TEX101: variants seen among roughly 807,000 people sequenced by gnomAD.
The protein encoded by TEX101 is testis expressed 101.
In TEX101, 10 loss-of-function variants were observed where a neutral mutation model predicts 18.1. That is an observed-to-expected ratio of 0.55 (90% CI 0.34 to 0.94). TEX101 has a LOEUF of 0.94. Ranked by LOEUF, TEX101 falls within the 40% of genes least tolerant of loss-of-function variation. TEX101 has a pLI of 0.02. For synonymous variants in TEX101, 94 were observed against 114.8 expected, an observed-to-expected ratio of 0.82 and a Z score of 1.16; for missense variants, 259 against 298.9, an observed-to-expected ratio of 0.87 and a Z score of 0.98.
intron 4 of TEX101, among the ~76,000 whole-genome samples, chr19:43,416,844 C>T (rs1222459811): frequency 6.6e-6 from 1 of 151,918 alleles, no homozygotes; most frequent in Non-Finnish European, 1.5e-5. Context: ...ACCAGCTTGG[C>T]CAACATGGTG....
At chr19:43,406,010 A>G (rs1970357778) in intron 2 of TEX101, among the ~76,000 whole-genome samples, 1 of 148,928 alleles carries the variant, frequency 6.7e-6, no homozygotes, top group African/African-American at 2.5e-5. Flanking sequence ...CCAGCATATA[A>G]GAGGCAGGAG....
chr19:43,389,959 T>C, the TEX101 span, among the ~76,000 whole-genome samples: 1 of 152,198 alleles, frequency 6.6e-6, no homozygotes. Context: ...AGCCAGCTTC[T>C]TCTCTGTGGC....
chr19:43,406,161 G>T, intron 2 of TEX101: 5 of 232,180 alleles, frequency 2.2e-5, no homozygotes, highest in Non-Finnish European at 2.5e-5. Flanking sequence ...TGGGACTGTT[G>T]AATTAAAACA....
At chr19:43,412,785 A>G (rs1057492473), upstream of TEX101, among the ~76,000 whole-genome samples, 2 of 152,210 alleles carry the variant, frequency 1.3e-5, no homozygotes, top group Non-Finnish European at 2.9e-5. Flanking sequence ...TCTATTAAAA[A>G]TAAATACTCA....
chr19:43,405,767 T>C (rs1171467532), intron 2 of TEX101, among the ~76,000 whole-genome samples: 1 of 148,674 alleles, frequency 6.7e-6, no homozygotes, highest in African/African-American at 2.5e-5. Context: ...TCTAGAAAAA[T>C]TAGCTGGGCG....
upstream of TEX101, among the ~76,000 whole-genome samples, chr19:43,414,677 T>C (rs1970452018): frequency 6.6e-6 from 1 of 152,194 alleles, no homozygotes; most frequent in South Asian, 2.1e-4. Context: ...TGCGTGCCTC[T>C]GGCTGCAAAA....
the TEX101 span, among the ~76,000 whole-genome samples, chr19:43,392,442 G>A: frequency 6.6e-6 from 1 of 152,094 alleles, no homozygotes; most frequent in Non-Finnish European, 1.5e-5. Context: ...GCGCAACCCC[G>A]GATTTGGGTG....
In TEX101 at chr19:43,418,571, C is replaced by T. The variant is rs1484028344; in HGVS notation, c.*174C>T. The T allele has an allele frequency of 8.4e-6, 5 of 595,484 alleles. No homozygotes were observed. Among genetic ancestry groups the T allele is most frequent in the Admixed American group, 6.4e-5 (2 of 31,016 alleles). 36.9% of individuals were successfully genotyped at this position (595,484 alleles called of 1,614,324 possible). ...TGCTATAATTTTTGTATGCAGTAGG[C>T]GTTACTAATAAACATTTCTGCTGTG... On this transcript the variant is annotated 3_prime_UTR_variant, in exon 6 of 6. Coordinates refer to ENST00000598265, the MANE Select transcript of TEX101 (RefSeq NM_001130011.3).
rs372373007 is a variant in TEX101 at position 43,418,409 on chromosome 19, T to G, written c.*12T>G. ...TTCACTTTTCCTAAGAAGGCACTTCTGGGCCTGGGTCTGAGGACATCTTTT... is the reference window on the plus strand; with the variant it reads ...TTCACTTTTCCTAAGAAGGCACTTCGGGGCCTGGGTCTGAGGACATCTTTT... On this transcript the variant is annotated 3_prime_UTR_variant, in exon 6 of 6. Coordinates refer to ENST00000598265, the MANE Select transcript of TEX101 (RefSeq NM_001130011.3). The G allele has an allele frequency of 2.2e-5, 35 of 1,607,288 alleles. No individual in the cohort carries two copies. Among genetic ancestry groups the G allele is most frequent in the Non-Finnish European group, 2.8e-5 (33 of 1,175,190 alleles).
chr19:43,393,084 G>GAAGGAAGGAAGGAAGT, the TEX101 span, among the ~76,000 whole-genome samples: 1 of 149,728 alleles, frequency 6.7e-6, no homozygotes, highest in Non-Finnish European at 1.5e-5. Context: ...GGGAAGGAAG[G>GAAGGAAGGAAGGAAGT]AAGGAAGGAA....
the TEX101 span, among the ~76,000 whole-genome samples, chr19:43,393,113 A>G: frequency 6.6e-6 from 1 of 151,882 alleles, no homozygotes; most frequent in South Asian, 2.1e-4. Context: ...GGAAAGAAAG[A>G]AGGAAAGACA....
chr19:43,391,702 A>G, the TEX101 span, among the ~76,000 whole-genome samples: 1 of 152,142 alleles, frequency 6.6e-6, no homozygotes, highest in Non-Finnish European at 1.5e-5. Flanking sequence ...AGTATCCATG[A>G]TGTGGATCAT....
Position 43,416,406 on chromosome 19 carries a change from G to C in TEX101, c.242G>C (p.Cys81Ser). Residue 81 changes from cysteine to serine, a missense_variant, in exon 4 of 6, where the codon TGC becomes TCC. By Grantham distance (112) the Cys-to-Ser change is moderately radical. Coordinates refer to ENST00000598265, the MANE Select transcript of TEX101 (RefSeq NM_001130011.3). Reference sequence around the variant, plus strand: ...ACAGCCATTTTGGCCACGAAGGGCTGCATCCCGGAAGGGGAGGAGGCCATA... The same window carrying C: ...ACAGCCATTTTGGCCACGAAGGGCTCCATCCCGGAAGGGGAGGAGGCCATA... ...TETAILATKG[C>S]IPEGEEAITI... The C allele has an allele frequency of 6.2e-7, 1 of 1,614,084 alleles. No homozygotes were observed. The highest frequency in any genetic ancestry group is 8.5e-7 in the Non-Finnish European group (1 of 1,179,990).
chr19:43,399,541 C>T (rs185825024), upstream of TEX101, among the ~76,000 whole-genome samples: 1 of 152,206 alleles, frequency 6.6e-6, no homozygotes, highest in African/African-American at 2.4e-5. Flanking sequence ...AACTTCCTCA[C>T]TCGTGATTTG....
the TEX101 span, among the ~76,000 whole-genome samples, chr19:43,393,074 G>GGGAAGGAAGGAAGGAAGGAAGGAAGGAA: frequency 0.014 from 1,784 of 129,402 alleles, 91 homozygotes; most frequent in African/African-American, 0.051. Flanking sequence ...AAAGAAAGAA[G>GGGAAGGAAGGAAGGAAGGAAGGAAGGAA]GGAAGGAAGG....
chr19:43,418,078 C>T (rs1452721876), intron 5 of TEX101, 72 bp downstream of exon 5: 5 of 1,612,400 alleles, frequency 3.1e-6, no homozygotes, highest in African/African-American at 2.7e-5. Flanking sequence ...GAGATTCTGA[C>T]ACTGAGCTCT....
chr19:43,405,342 G>C (rs1171961958), intron 2 of TEX101, among the ~76,000 whole-genome samples: 2 of 152,000 alleles, frequency 1.3e-5, no homozygotes, highest in Non-Finnish European at 2.9e-5. Context: ...GCCGAGGTGG[G>C]TGGATCACCT....
chr19:43,416,374 G>T lies in TEX101; in HGVS notation c.210G>T (p.Gly70=). The T allele has an allele frequency of 1.2e-6, 2 of 1,612,940 alleles. No individual in the cohort carries two copies. The highest frequency in any genetic ancestry group is 2.2e-5 in the South Asian group (2 of 90,912). The stretch of plus-strand genomic sequence containing the variant: ...CCCCTCCTTCCTGTCTCATAACAGG[G>T]ACTGAGACAGCCATTTTGGCCACGA... The part of the protein sequence containing the change: ...CQETILIIKA[G]TETAILATKG... The change falls in exon 4 of 6, where the codon GGG becomes GGT. Residue 70 remains glycine, a splice_region_variant and synonymous_variant. Transcript: ENST00000598265.
chr19:43,401,900 T>C (rs1599896296), intron 1 of TEX101, among the ~76,000 whole-genome samples: 2 of 150,774 alleles, frequency 1.3e-5, no homozygotes, highest in Admixed American at 1.3e-4. Flanking sequence ...AAAATACGAA[T>C]GGAGAAAAGC....
Sources: allele counts gnomAD v4.1 joint callset (sites outside exome capture counted in the v4.1 genomes callset), GRCh38; gene constraint gnomAD v4.1.1; transcripts MANE v1.5; gene names NCBI Gene and HGNC (gene_info 2026-07-23, HGNC 2026-07-21).